Variants in BCKDHA observed in about 807,000 individuals in gnomAD.
BCKDHA encodes the protein 2-oxoisovalerate dehydrogenase subunit alpha, mitochondrial.
In BCKDHA, 43 loss-of-function variants were observed where a neutral mutation model predicts 52.2. The observed-to-expected ratio is 0.82, with a 90% CI of 0.64 to 1.06. BCKDHA has a LOEUF of 1.06. Ranked by LOEUF, BCKDHA falls within the 50% of genes least tolerant of loss-of-function variation. The pLI, the probability that BCKDHA is intolerant of heterozygous loss-of-function variation, is 0.00. For synonymous variants in BCKDHA, 234 were observed against 247.9 expected (o/e 0.94, Z 0.53); for missense variants, 527 against 621.3 (o/e 0.85, Z 1.61).
intron 3 of BCKDHA, among the ~76,000 whole-genome samples, chr19:41,413,181 G>T (rs192247032): frequency 3.5e-4 from 54 of 152,320 alleles, no homozygotes; most frequent in African/African-American, 1.3e-3. Flanking sequence ...TGCAAGGCAG[G>T]AAGAAGTAGG....
chr19:41,404,273 C>T (rs2123243133), intron 1 of BCKDHA, among the ~76,000 whole-genome samples: 1 of 151,652 alleles, frequency 6.6e-6, no homozygotes, highest in East Asian at 1.9e-4. Context: ...AGCCACTGTG[C>T]CCGGCCAAAA....
intron 4 of BCKDHA, among the ~76,000 whole-genome samples, chr19:41,418,091 C>CAA (rs66838098): frequency 6.4e-4 from 46 of 71,908 alleles, no homozygotes; most frequent in East Asian, 1.3e-3. Context: ...GACTCTGTCT[C>CAA]AAAAAAAAAA....
intron 1 of BCKDHA, among the ~76,000 whole-genome samples, chr19:41,407,361 C>T (rs2039204624): frequency 5.9e-5 from 9 of 152,330 alleles, no homozygotes; most frequent in Admixed American, 5.2e-4. Context: ...GGGAACTTAA[C>T]AGCCCATTCA....
At chr19:41,420,686 C>G (rs765208324) in intron 5 of BCKDHA, among the ~76,000 whole-genome samples, 1 of 152,192 alleles carries the variant, frequency 6.6e-6, no homozygotes, top group African/African-American at 2.4e-5. Flanking sequence ...AAGTCATTGA[C>G]TGTGTACCTC....
At position 41,410,813 on chromosome 19, in the gene BCKDHA, C is replaced by T. The variant is rs778250707; in HGVS notation, c.285C>T (p.Pro95=). The change falls in exon 2 of 9, where the codon CCC becomes CCT. Residue 95 remains proline, a synonymous_variant. Transcript: ENST00000269980. The part of the protein sequence containing the change: ...QGQIINPSED[P]HLPKEKVLKL... ...AGATCATCAACCCCAGCGAGGACCC[C>T]CACGTGAGAGGCGGCCTCCCCCACT... 1 of 1,614,134 alleles carries T rather than the reference C, an allele frequency of 6.2e-7. No individual in the cohort carries two copies. The highest frequency in any genetic ancestry group is 8.5e-7 in the Non-Finnish European group (1 of 1,180,010).
intron 8 of BCKDHA, among the ~76,000 whole-genome samples, chr19:41,423,810 C>A (rs545678705): frequency 1.4e-5 from 2 of 146,698 alleles, no homozygotes; most frequent in African/African-American, 5.2e-5. Flanking sequence ...CCAGCCTGGG[C>A]AACGAGAGCA....
chr19:41,424,074 C>G (rs2039400825), intron 8 of BCKDHA, among the ~76,000 whole-genome samples: 1 of 152,054 alleles, frequency 6.6e-6, no homozygotes, highest in Admixed American at 6.6e-5. Context: ...CAGTGTGCCA[C>G]CCTCCCTGGC....
In BCKDHA at chr19:41,414,041, A is replaced by AC. The variant is rs2123259752; in HGVS notation, c.376-3dup. 2.5e-6 allele frequency: 4 copies of AC among 1,612,056 alleles called. No individual in the cohort carries two copies. Among genetic ancestry groups the AC allele is most frequent in the Non-Finnish European group, 3.4e-6 (4 of 1,178,918 alleles). ...ATTGTGGGACCCCGGTCCCCTCTAC[A>AC]CCCCCAGGGCCGGATCTCCTTCTAC... On this transcript the variant is annotated splice_polypyrimidine_tract_variant and splice_region_variant and intron_variant, in intron 3 of 8. Transcript: ENST00000269980.
intron 7 of BCKDHA, 47 bp from the exon 8 acceptor site, chr19:41,422,951 C>T: frequency 1.3e-6 from 2 of 1,523,026 alleles, no homozygotes; most frequent in Admixed American, 1.9e-5. Flanking sequence ...TCCTGACCCC[C>T]ACTCCAGGGA....
At chr19:41,406,008 C>T (rs960785566) in intron 1 of BCKDHA, among the ~76,000 whole-genome samples, 1 of 152,166 alleles carries the variant, frequency 6.6e-6, no homozygotes, top group African/African-American at 2.4e-5. Flanking sequence ...GGAGTCGCAT[C>T]CTTCCTCTGC....
chr19:41,407,065 G>A (rs2039201318), intron 1 of BCKDHA, among the ~76,000 whole-genome samples: 1 of 152,174 alleles, frequency 6.6e-6, no homozygotes, highest in African/African-American at 2.4e-5. Context: ...GGTGCAGTTA[G>A]TTCTTCCCAG....
At chr19:41,409,830 G>C (rs1169332445) in intron 1 of BCKDHA, among the ~76,000 whole-genome samples, 1 of 136,360 alleles carries the variant, frequency 7.3e-6, no homozygotes, top group Non-Finnish European at 1.5e-5. Context: ...TTGAGATGGA[G>C]TCTCACTGTC....
intron 1 of BCKDHA, among the ~76,000 whole-genome samples, chr19:41,398,743 G>A (rs190794051): frequency 1.3e-5 from 2 of 152,190 alleles, no homozygotes; most frequent in Non-Finnish European, 2.9e-5. Context: ...GGTTGCAGAA[G>A]AGCTTTGAAC....
chr19:41,424,717 C>A lies in BCKDHA; in HGVS notation c.*109C>A. 1.5e-6 allele frequency: 2 copies of A among 1,295,502 alleles called. No homozygotes were observed. The highest frequency in any genetic ancestry group is 2.4e-5 in the East Asian group (1 of 41,004). 80.3% of individuals were successfully genotyped at this position (1,295,502 alleles called of 1,614,324 possible). On this transcript the variant is annotated 3_prime_UTR_variant, in exon 9 of 9. Transcript: ENST00000269980. ...CACCACTGTCTTCCCCAGTCAGCTC[C>A]CTCTAAAATACTCAGCGGCCAGGGC...
intron 5 of BCKDHA, among the ~76,000 whole-genome samples, chr19:41,420,122 G>A (rs2039348468): frequency 6.6e-6 from 1 of 152,150 alleles, no homozygotes; most frequent in Admixed American, 6.6e-5. Context: ...AGAGGGCTCT[G>A]TTGCTGTCCC....
intron 1 of BCKDHA, among the ~76,000 whole-genome samples, chr19:41,402,743 C>T (rs1235269258): frequency 1.3e-5 from 2 of 152,122 alleles, no homozygotes; most frequent in East Asian, 1.9e-4. Flanking sequence ...CTGGGTTAAG[C>T]GATTGTCCTG....
chr19:41,397,942 A>G lies in BCKDHA; in HGVS notation c.108+7A>G. On this transcript the variant is annotated splice_region_variant and intron_variant, in intron 1 of 8. Transcript: ENST00000269980. ...TCGGGGACTGGCTAGATCTGTGAGT[A>G]CCTGGGCCCCAGGCGGTTTTCCCAA... The G allele has an allele frequency of 6.2e-7, 1 of 1,612,220 alleles. No homozygotes were observed. Among genetic ancestry groups the G allele is most frequent in the Non-Finnish European group, 8.5e-7 (1 of 1,178,664 alleles).
chr19:41,422,508 CAGG>C, intron 6 of BCKDHA, 118 bp from the exon 7 acceptor site: 2 of 1,575,872 alleles, frequency 1.3e-6, no homozygotes, highest in Non-Finnish European at 1.7e-6. Flanking sequence ...TGGTCAGCCA[CAGG>C]AGTTGAGGTC....
intron 3 of BCKDHA, among the ~76,000 whole-genome samples, chr19:41,412,876 G>A (rs1239471947): frequency 6.6e-6 from 1 of 151,832 alleles, no homozygotes; most frequent in East Asian, 1.9e-4. Flanking sequence ...GCTAATTTTT[G>A]TATTTTTAGT....
Sources: allele counts gnomAD v4.1 joint callset (sites outside exome capture counted in the v4.1 genomes callset), GRCh38; gene constraint gnomAD v4.1.1; transcripts MANE v1.5; gene names NCBI Gene and HGNC (gene_info 2026-07-23, HGNC 2026-07-21).